Variants in RXRA observed in about 807,000 individuals in gnomAD.
The protein encoded by RXRA is retinoic acid receptor RXR-alpha.
Under a neutral mutation model 44.5 loss-of-function variants are expected in RXRA, and 5 were observed. The observed-to-expected ratio is 0.11, with a 90% CI of 0.06 to 0.24. RXRA has a LOEUF of 0.24. RXRA is among the 10% of genes least tolerant of loss of function. RXRA has a pLI of 1.00. For missense variants in RXRA, 412 were observed against 646.5 expected (o/e 0.64, Z 3.93); for synonymous variants, 291 against 271.4 (o/e 1.07, Z -0.71).
chr9:134,407,298 G>A lies in RXRA; in HGVS notation c.280-851G>A, dbSNP rs773281596. ...GGAGGGGAGCTTCCTGCGCACAAGC[G>A]GCGGCAGGGGTTTGCAGAAGTGGAG... On this transcript the variant is annotated intron_variant, in intron 2 of 9. Transcript: ENST00000481739. This position sits in a 1 kb window ranked among gnomAD's most constrained non-coding sequence, Gnocchi z 4.8. Among the ~76,000 whole-genome samples, 23 of 152,246 alleles carry A rather than the reference G, an allele frequency of 1.5e-4. No individual in the cohort carries two copies. The highest frequency in any genetic ancestry group is 3.4e-4 in the Non-Finnish European group (23 of 68,040).
At position 134,436,908 on chromosome 9, in the gene RXRA, C is replaced by G. The variant is rs35438206; in HGVS notation, c.*294C>G. The G allele has an allele frequency of 1.6e-3, 654 of 401,040 alleles. 15 individuals are homozygous for G. In the East Asian group the frequency reaches 0.03, roughly 18 times the overall value. 24.8% of individuals were successfully genotyped at this position (401,040 alleles called of 1,614,324 possible). A position where few individuals can be genotyped will look rare whatever the true frequency, so the allele number is the denominator to read the frequency against. On this transcript the variant is annotated 3_prime_UTR_variant, in exon 10 of 10. Transcript: ENST00000481739. The stretch of plus-strand genomic sequence containing the variant: ...GGCTCTCAGGACACCCTGCCACACC[C>G]CACGGGGCTTGGGCGACTACAGGGT...
chr9:134,397,311 C>T (rs996211311), intron 1 of RXRA, among the ~76,000 whole-genome samples: 3 of 152,168 alleles, frequency 2.0e-5, no homozygotes, highest in Non-Finnish European at 4.4e-5. Flanking sequence ...CAAGAACATT[C>T]CTTACTTCAA....
At chr9:134,414,324 T>A (rs1006583753) in intron 4 of RXRA, among the ~76,000 whole-genome samples, 1 of 152,242 alleles carries the variant, frequency 6.6e-6, no homozygotes, top group Non-Finnish European at 1.5e-5. Context: ...CCCCATGCCC[T>A]GGGGCTACCT....
intron 1 of RXRA, among the ~76,000 whole-genome samples, chr9:134,381,772 T>G (rs1830649428): frequency 6.6e-6 from 1 of 152,094 alleles, no homozygotes; most frequent in South Asian, 2.1e-4. Context: ...TGAAGGGGCT[T>G]CACTGCAAAT....
Position 134,436,709 on chromosome 9 carries a change from T to A in RXRA, c.*95T>A. 1 of 1,457,654 alleles carries A rather than the reference T, an allele frequency of 6.9e-7. No individual in the cohort carries two copies. The allele number at this position is 1,457,654 out of a possible 1,614,324, so 90.3% of individuals were successfully genotyped here. A position where few individuals can be genotyped will look rare whatever the true frequency, so the allele number is the denominator to read the frequency against. ...CCTGAGCCCTGTCCCTGCCCTTCTC[T>A]GCCTGGCCTGTTTGGACTTTGGGGC... On this transcript the variant is annotated 3_prime_UTR_variant, in exon 10 of 10. Transcript: ENST00000481739.
intron 7 of RXRA, among the ~76,000 whole-genome samples, chr9:134,430,720 C>T (rs951901460): frequency 6.6e-6 from 1 of 152,182 alleles, no homozygotes; most frequent in Non-Finnish European, 1.5e-5. Flanking sequence ...GGGGATATGG[C>T]TTTGGGAAGC....
chr9:134,350,728 G>A (rs1830211187), intron 1 of RXRA, among the ~76,000 whole-genome samples: 1 of 152,230 alleles, frequency 6.6e-6, no homozygotes, highest in Non-Finnish European at 1.5e-5. Context: ...GCATTCTCAT[G>A]CCTTCTGCCG....
intron 1 of RXRA, among the ~76,000 whole-genome samples, chr9:134,380,396 C>T (rs566455307): frequency 3.3e-5 from 5 of 152,056 alleles, no homozygotes; most frequent in Admixed American, 2.0e-4. Flanking sequence ...CTGGGGACTT[C>T]GCCTGGGGTC....
chr9:134,408,012 G>A (rs957802075), intron 2 of RXRA, 137 bp from the exon 3 acceptor site: 16 of 620,284 alleles, frequency 2.6e-5, no homozygotes, highest in African/African-American at 5.7e-5. Flanking sequence ...GGCGGGTGGG[G>A]GGCACGGCCC....
At chr9:134,434,531 C>T (rs1831584081) in intron 9 of RXRA, among the ~76,000 whole-genome samples, 1 of 152,208 alleles carries the variant, frequency 6.6e-6, no homozygotes, top group South Asian at 2.1e-4. Flanking sequence ...CCACCAGAGG[C>T]CAGGCGACAC....
rs1037818101 is a variant in RXRA at position 134,426,727 on chromosome 9, A to T, written c.911-2381A>T. On this transcript the variant is annotated intron_variant, in intron 6 of 9. Coordinates refer to ENST00000481739, the MANE Select transcript of RXRA (RefSeq NM_002957.6). This position sits in a 1 kb window ranked among gnomAD's most constrained non-coding sequence, Gnocchi z 4.6. ...GTGGGAGGGGAGGTGGCCACTGCTC[A>T]GGTAAACCCCCAGGCCTGCAGGATG... 8.1e-6 allele frequency: 8 copies of T among 985,260 alleles called. No homozygotes were observed. The African/African-American group carries it at 1.4e-4, about 17-fold the overall frequency. 61.0% of individuals were successfully genotyped at this position (985,260 alleles called of 1,614,324 possible).
chr9:134,350,555 G>A lies in RXRA; in HGVS notation c.28+23896G>A, dbSNP rs548681303. On this transcript the variant is annotated intron_variant, in intron 1 of 9. Coordinates refer to ENST00000481739, the MANE Select transcript of RXRA (RefSeq NM_002957.6). ...CCTTCGGGCACAGCAGGCCCCAGACGATGCCGCATGAGGACTGTGTGGGCC... is the reference window on the plus strand; with the variant it reads ...CCTTCGGGCACAGCAGGCCCCAGACAATGCCGCATGAGGACTGTGTGGGCC... Among the ~76,000 whole-genome samples, 481 of 152,342 alleles carry A rather than the reference G, an allele frequency of 3.2e-3. 1 individual carries two copies. Among genetic ancestry groups the A allele is most frequent in the South Asian group, 0.027 (128 of 4,830 alleles).
chr9:134,334,652 C>G (rs746017236), intron 1 of RXRA, among the ~76,000 whole-genome samples: 4 of 152,248 alleles, frequency 2.6e-5, no homozygotes, highest in Non-Finnish European at 5.9e-5. Flanking sequence ...TTCAGTTTCC[C>G]TGGGGCCCTC....
In RXRA at chr9:134,413,453, G is replaced by T. The variant is rs138969779; in HGVS notation, c.611-3705G>T. Among the ~76,000 whole-genome samples, 34 of 152,324 alleles carry T rather than the reference G, an allele frequency of 2.2e-4. No homozygotes were observed. In the East Asian group the frequency reaches 6.4e-3, roughly 29 times the overall value. On this transcript the variant is annotated intron_variant, in intron 4 of 9. Coordinates refer to ENST00000481739, the MANE Select transcript of RXRA (RefSeq NM_002957.6). ...TCTAGGTTGAAGCCCTGGAGGGAAG[G>T]TAAGTCACTCCCTTTAGAGACTCTA...
At chr9:134,378,150 G>A (rs1282487397) in intron 1 of RXRA, among the ~76,000 whole-genome samples, 2 of 152,258 alleles carry the variant, frequency 1.3e-5, no homozygotes, top group East Asian at 3.9e-4. Context: ...TCTGGGCAGG[G>A]CCGGGGCAGA....
intron 1 of RXRA, chr9:134,401,414 G>T: frequency 1.4e-6 from 1 of 692,340 alleles, no homozygotes; most frequent in South Asian, 1.9e-5. Context: ...TAAAGCCGGG[G>T]TCAGGCGCAG....
At chr9:134,375,653 C>T (rs1221541254) in intron 1 of RXRA, among the ~76,000 whole-genome samples, 5 of 152,150 alleles carry the variant, frequency 3.3e-5, no homozygotes, top group Non-Finnish European at 2.9e-5. Flanking sequence ...CTGGGGTGGC[C>T]AGCAGGTGGG....
intron 6 of RXRA, chr9:134,423,735 G>A (rs1321074016): frequency 8.1e-6 from 8 of 985,352 alleles, no homozygotes; most frequent in Non-Finnish European, 9.6e-6. Context: ...CGCCTGCCAA[G>A]GGAACCCTGC....
At chr9:134,408,110 G>A in intron 2 of RXRA, 39 bp from the exon 3 acceptor site, 2 of 1,494,474 alleles carry the variant, frequency 1.3e-6, no homozygotes, top group African/African-American at 1.4e-5. Flanking sequence ...GGACAAACCT[G>A]GTGTACACCC....
Sources: allele counts gnomAD v4.1 joint callset (sites outside exome capture counted in the v4.1 genomes callset), GRCh38; gene constraint gnomAD v4.1.1; non-coding constraint Gnocchi (gnomAD v3.1); transcripts MANE v1.5; gene names NCBI Gene and HGNC (gene_info 2026-07-23, HGNC 2026-07-21).